Variants in SGCZ observed in about 807,000 individuals in gnomAD.
The protein encoded by SGCZ is zeta-sarcoglycan.
In SGCZ, 40 loss-of-function variants were observed where a neutral mutation model predicts 41.3. The observed-to-expected ratio is 0.97, with a 90% CI of 0.75 to 1.26. The LOEUF (loss-of-function observed/expected upper bound fraction) is 1.26, where lower values mean the gene tolerates loss of function less well. Ranked by LOEUF, SGCZ falls within the 50% of genes most tolerant of loss-of-function variation. The probability of loss-of-function intolerance (pLI) is 0.00; values close to 1 mark genes in which losing one functional copy is unlikely to be tolerated. For missense variants in SGCZ, 552 were observed against 369.8 expected (o/e 1.49, Z -4.04); for synonymous variants, 206 against 137.5 (o/e 1.50, Z -3.49).
intron 5 of SGCZ, among the ~76,000 whole-genome samples, chr8:14,130,900 A>G (rs1381126041): frequency 6.6e-6 from 1 of 152,172 alleles, no homozygotes; most frequent in Non-Finnish European, 1.5e-5. Flanking sequence ...CCAGTTGCAT[A>G]AAAAATATTA....
Position 14,417,712 on chromosome 8 carries a change from G to A in SGCZ, c.235-93508C>T, listed in dbSNP as rs978850820. ...TTGAAATTTGCTAAGGGAGTAGATA[G>A]CAAGTTGAGAACTTGTTTTACACAA... On this transcript the variant is annotated intron_variant, in intron 2 of 7. Transcript: ENST00000382080. Among the ~76,000 whole-genome samples the A allele has an allele frequency of 2.6e-5, 4 of 151,814 alleles. No homozygotes were observed. The East Asian group carries it at 7.7e-4, about 29-fold the overall frequency.
intron 2 of SGCZ, among the ~76,000 whole-genome samples, chr8:14,326,101 G>C (rs1451540523): frequency 2.4e-3 from 3 of 1,226 alleles, no homozygotes; most frequent in Admixed American, 0.011. Context: ...GAAAGAGTGA[G>C]ACTCCGTCTC....
At chr8:14,967,466 G>A (rs767530036) in intron 1 of SGCZ, among the ~76,000 whole-genome samples, 2 of 151,918 alleles carry the variant, frequency 1.3e-5, no homozygotes, top group Non-Finnish European at 2.9e-5. Flanking sequence ...TTATGACTTC[G>A]GTCATAAAGA....
intron 1 of SGCZ, among the ~76,000 whole-genome samples, chr8:15,133,473 C>T (rs559912952): frequency 6.6e-6 from 1 of 152,206 alleles, no homozygotes; most frequent in South Asian, 2.1e-4. Flanking sequence ...CTGAAAAAGT[C>T]GATTTTAGAC....
chr8:14,512,327 T>A (rs572002296), intron 2 of SGCZ, among the ~76,000 whole-genome samples: 1 of 152,184 alleles, frequency 6.6e-6, no homozygotes, highest in Non-Finnish European at 1.5e-5. Context: ...ATTACACCCA[T>A]GAAGATCTCC....
chr8:14,937,292 A>G (rs970052153), intron 1 of SGCZ, among the ~76,000 whole-genome samples: 5 of 152,044 alleles, frequency 3.3e-5, no homozygotes, highest in African/African-American at 9.6e-5. Flanking sequence ...TAAATAAAAT[A>G]TTTCATAAAA....
At position 14,562,942 on chromosome 8, in the gene SGCZ, G is replaced by A. The variant is rs139969124; in HGVS notation, c.40-8016C>T. 5.5e-4 allele frequency among the ~76,000 whole-genome samples: 84 copies of A among 152,286 alleles called. No individual in the cohort carries two copies. In the East Asian group the frequency reaches 0.014, roughly 26 times the overall value. ...AGAGACAATGTCAGCAAATCACCCA[G>A]TCAACTGGGCTACCCAAAGGAGGAG... On this transcript the variant is annotated intron_variant, in intron 1 of 7. Transcript: ENST00000382080.
At position 15,048,758 on chromosome 8, in the gene SGCZ, T is replaced by C. The variant is rs1472754155; in HGVS notation, c.39+188827A>G. Among the ~76,000 whole-genome samples, 9 of 152,152 alleles carry C rather than the reference T, an allele frequency of 5.9e-5. No individual in the cohort carries two copies. In the East Asian group the frequency reaches 1.3e-3, roughly 23 times the overall value. ...CTTCCAAAATGTCAAATAATCCATATGCATTTTTTATATATAGACATATTT... is the reference window on the plus strand; with the variant it reads ...CTTCCAAAATGTCAAATAATCCATACGCATTTTTTATATATAGACATATTT... On this transcript the variant is annotated intron_variant, in intron 1 of 7. Coordinates refer to ENST00000382080, the MANE Select transcript of SGCZ (RefSeq NM_139167.4).
intron 3 of SGCZ, among the ~76,000 whole-genome samples, chr8:14,245,673 A>G (rs945677856): frequency 2.0e-5 from 3 of 152,058 alleles, no homozygotes; most frequent in Admixed American, 6.6e-5. Flanking sequence ...ACAAAACGGG[A>G]GAAAATTTTC....
chr8:14,503,113 C>G (rs892637972), intron 2 of SGCZ, among the ~76,000 whole-genome samples: 1 of 151,970 alleles, frequency 6.6e-6, no homozygotes, highest in Admixed American at 6.6e-5. Context: ...TACTATGCAG[C>G]CATAAAAAAA....
intron 1 of SGCZ, among the ~76,000 whole-genome samples, chr8:14,930,628 C>T (rs981609594): frequency 4.1e-4 from 62 of 151,962 alleles, no homozygotes; most frequent in Non-Finnish European, 5.0e-4. Context: ...AAATGTGGCA[C>T]ATATACACCA....
intron 1 of SGCZ, among the ~76,000 whole-genome samples, chr8:14,865,139 T>G (rs1803882524): frequency 6.6e-6 from 1 of 152,066 alleles, no homozygotes; most frequent in African/African-American, 2.4e-5. Flanking sequence ...AAGATAAAAC[T>G]CAGTGTCCTT....
intron 2 of SGCZ, among the ~76,000 whole-genome samples, chr8:14,359,281 G>A (rs4831577): frequency 1 from 152,109 of 152,270 alleles, 75,974 homozygotes; most frequent in Middle Eastern, 1. Flanking sequence ...TATGTCTAGC[G>A]GTTGACTTCA....
intron 1 of SGCZ, among the ~76,000 whole-genome samples, chr8:14,704,996 T>C (rs1809288833): frequency 6.6e-6 from 1 of 151,980 alleles, no homozygotes; most frequent in Non-Finnish European, 1.5e-5. Flanking sequence ...GAAATTGACA[T>C]TTATTAGAAA....
chr8:14,546,328 G>A (rs1002563506), intron 2 of SGCZ, among the ~76,000 whole-genome samples: 2 of 152,136 alleles, frequency 1.3e-5, no homozygotes, highest in Middle Eastern at 3.2e-3. Flanking sequence ...AGCTCAGAAA[G>A]GCGGGCAAAA....
At chr8:14,597,877 G>A (rs1805464144) in intron 1 of SGCZ, among the ~76,000 whole-genome samples, 1 of 152,122 alleles carries the variant, frequency 6.6e-6, no homozygotes, top group Admixed American at 6.6e-5. Flanking sequence ...CTGTTCTCTA[G>A]CTTTGTCCCT....
At chr8:15,191,456 T>C (rs1468879633) in intron 1 of SGCZ, among the ~76,000 whole-genome samples, 1 of 152,204 alleles carries the variant, frequency 6.6e-6, no homozygotes, top group African/African-American at 2.4e-5. Context: ...TGTTAAATAG[T>C]ATTTAACCCT....
intron 2 of SGCZ, among the ~76,000 whole-genome samples, chr8:14,350,875 ATAACT>A (rs1027061794): frequency 2.0e-5 from 3 of 152,192 alleles, no homozygotes; most frequent in Admixed American, 1.3e-4. Flanking sequence ...TTTTGCTGAA[ATAACT>A]TAAATGATTA....
rs898545921 is a variant in SGCZ, at chr8:14,567,224, C to T, written c.40-12298G>A. 7.2e-5 allele frequency among the ~76,000 whole-genome samples: 11 copies of T among 152,292 alleles called. 1 individual carries two copies. The highest frequency in any genetic ancestry group is 6.2e-4 in the South Asian group (3 of 4,824). On this transcript the variant is annotated intron_variant, in intron 1 of 7. Transcript: ENST00000382080. ...TCGCCCAAGGGCTGAGGAGTGCAGGCGCACGGCTTGGGACTTGCAGGCAAC... is the reference window on the plus strand; with the variant it reads ...TCGCCCAAGGGCTGAGGAGTGCAGGTGCACGGCTTGGGACTTGCAGGCAAC...
Sources: allele counts gnomAD v4.1 joint callset (sites outside exome capture counted in the v4.1 genomes callset), GRCh38; gene constraint gnomAD v4.1.1; transcripts MANE v1.5; gene names NCBI Gene and HGNC (gene_info 2026-07-23, HGNC 2026-07-21).